DROSHA: variants seen among roughly 807,000 people sequenced by gnomAD.
DROSHA encodes ribonuclease 3.
In DROSHA, 56 loss-of-function variants were observed where a neutral mutation model predicts 181.9. The observed-to-expected ratio is 0.31, with a 90% CI of 0.25 to 0.38. The LOEUF is 0.38. Among genes scored for constraint, DROSHA ranks in the 10% least tolerant of loss-of-function variants. The pLI is 1.00. For synonymous variants in DROSHA, 524 were observed against 591.2 expected (o/e 0.89, Z 1.65); for missense variants, 1,218 against 1,743.5 (o/e 0.70, Z 5.37).
At chr5:31,442,488 C>T (rs1447192067) in intron 23 of DROSHA, among the ~76,000 whole-genome samples, 1 of 152,048 alleles carries the variant, frequency 6.6e-6, no homozygotes, top group Non-Finnish European at 1.5e-5. Flanking sequence ...GCAGTAAACA[C>T]TCCATTTGTT....
At chr5:31,487,879 G>T (rs56981913) in intron 13 of DROSHA, among the ~76,000 whole-genome samples, 3 of 152,038 alleles carry the variant, frequency 2.0e-5, no homozygotes, top group Admixed American at 2.0e-4. Context: ...AATTTTGCAT[G>T]ATTCAATGTA....
intron 35 of DROSHA, 150 bp downstream of exon 35, chr5:31,405,527 C>A: frequency 1.4e-6 from 1 of 740,334 alleles, no homozygotes; most frequent in Non-Finnish European, 2.2e-6. Context: ...GAATGTCTCA[C>A]ATTCTACTAT....
intron 17 of DROSHA, among the ~76,000 whole-genome samples, chr5:31,469,534 C>T (rs1039963586): frequency 2.0e-5 from 3 of 152,108 alleles, no homozygotes; most frequent in Non-Finnish European, 2.9e-5. Context: ...ACAGTAGCAA[C>T]GTGCTATTTA....
intron 11 of DROSHA, among the ~76,000 whole-genome samples, chr5:31,498,933 T>A (rs1753299163): frequency 6.6e-6 from 1 of 151,674 alleles, no homozygotes; most frequent in South Asian, 2.1e-4. Flanking sequence ...TGTGATGGCA[T>A]CATTGGGTGC....
rs1739116523 is a variant in DROSHA at position 31,514,962 on chromosome 5, C to T, written c.1290+26G>A. The stretch of plus-strand genomic sequence containing the variant: ...GACAACGCCGAGAAGCCCTAGTCTA[C>T]AGCTTGTCTGCTACTTCAGACCTAC... On this transcript the variant is annotated intron_variant, in intron 8 of 35. Coordinates refer to ENST00000344624, the MANE Select transcript of DROSHA (RefSeq NM_001382508.1). This position sits in a 1 kb window ranked among gnomAD's most constrained non-coding sequence, Gnocchi z 4.4. 2.5e-6 allele frequency: 4 copies of T among 1,606,716 alleles called. No individual in the cohort carries two copies. Among genetic ancestry groups the T allele is most frequent in the African/African-American group, 2.7e-5 (2 of 74,702 alleles).
chr5:31,405,292 C>A (rs1173686887), intron 35 of DROSHA, among the ~76,000 whole-genome samples: 1 of 151,466 alleles, frequency 6.6e-6, no homozygotes, highest in Non-Finnish European at 1.5e-5. Flanking sequence ...CACCTGACAC[C>A]TGGACCGGGG....
At chr5:31,446,297 A>G (rs932279815) in intron 23 of DROSHA, among the ~76,000 whole-genome samples, 18 of 151,568 alleles carry the variant, frequency 1.2e-4, no homozygotes, top group Non-Finnish European at 2.5e-4. Flanking sequence ...ATACAAAAAA[A>G]TTAGCCGGGT....
In DROSHA at chr5:31,409,480, C is replaced by T. The variant is rs1201570925; in HGVS notation, c.3668-148G>A. Reference sequence around the variant, plus strand: ...TTCAGTGCTACCATTTCATCTTCCCCCACTTTTTATCATTAATATCAGAAG... The same window carrying T: ...TTCAGTGCTACCATTTCATCTTCCCTCACTTTTTATCATTAATATCAGAAG... On this transcript the variant is annotated intron_variant, in intron 31 of 35. Coordinates refer to ENST00000344624, the MANE Select transcript of DROSHA (RefSeq NM_001382508.1). This position sits in a 1 kb window ranked among gnomAD's most constrained non-coding sequence, Gnocchi z 4.0. 1.5e-6 allele frequency: 1 copy of T among 665,876 alleles called. No individual in the cohort carries two copies. Among genetic ancestry groups the T allele is most frequent in the Non-Finnish European group, 2.6e-6 (1 of 389,044 alleles). 41.2% of individuals were successfully genotyped at this position (665,876 alleles called of 1,614,324 possible). A position where few individuals can be genotyped will look rare whatever the true frequency, so the allele number is the denominator to read the frequency against.
intron 14 of DROSHA, among the ~76,000 whole-genome samples, chr5:31,485,188 C>T (rs1446390313): frequency 2.0e-5 from 3 of 152,066 alleles, no homozygotes; most frequent in African/African-American, 7.2e-5. Flanking sequence ...TCTCAGTATA[C>T]AAATAAAATA....
intron 11 of DROSHA, among the ~76,000 whole-genome samples, chr5:31,497,980 T>C (rs1753181191): frequency 6.6e-6 from 1 of 152,224 alleles, no homozygotes; most frequent in Non-Finnish European, 1.5e-5. Context: ...CATTCTCAAG[T>C]TTGGAGGATC....
At chr5:31,476,991 T>G (rs1750445228) in intron 16 of DROSHA, among the ~76,000 whole-genome samples, 1 of 152,216 alleles carries the variant, frequency 6.6e-6, no homozygotes, top group African/African-American at 2.4e-5. Flanking sequence ...GGAAGTAATT[T>G]TTATCTTGTT....
At chr5:31,506,476 G>A (rs752294070) in intron 10 of DROSHA, among the ~76,000 whole-genome samples, 1 of 151,136 alleles carries the variant, frequency 6.6e-6, no homozygotes, top group Non-Finnish European at 1.5e-5. Context: ...TCAGGAGTTC[G>A]AGAACAGCCT....
intron 20 of DROSHA, among the ~76,000 whole-genome samples, chr5:31,452,563 G>A (rs1474778595): frequency 6.6e-6 from 1 of 152,128 alleles, no homozygotes; most frequent in East Asian, 1.9e-4. Context: ...AGAACCTGGA[G>A]GATGGACCCA....
intron 11 of DROSHA, among the ~76,000 whole-genome samples, chr5:31,501,956 C>T (rs1371658707): frequency 2.0e-5 from 3 of 152,158 alleles, no homozygotes; most frequent in African/African-American, 7.2e-5. Context: ...GTGAGATAAA[C>T]CCTACAAAGA....
intron 23 of DROSHA, among the ~76,000 whole-genome samples, chr5:31,442,559 C>T (rs1745719844): frequency 6.6e-6 from 1 of 152,178 alleles, no homozygotes; most frequent in African/African-American, 2.4e-5. Context: ...ATTTATACAG[C>T]ACATTTTGTC....
At chr5:31,459,276 T>C (rs1190813958) in intron 20 of DROSHA, among the ~76,000 whole-genome samples, 2 of 152,092 alleles carry the variant, frequency 1.3e-5, no homozygotes, top group African/African-American at 4.8e-5. Context: ...GCACCTGTAG[T>C]TCCAGCTATA....
At position 31,511,089 on chromosome 5, in the gene DROSHA, T is replaced by C. The variant is rs768940298; in HGVS notation, c.1378A>G (p.Lys460Glu). ...GGTTCCCACGGAGGCCGAGCAGCTT[T>C]GGCCTTTTCTTGCCTGCTCCCCAAC... is the stretch of plus-strand genomic sequence containing the variant. ...EELGSRQEKA[K>E]AARPPWEPPK... The change falls in exon 9 of 36, where the codon AAA becomes GAA. Residue 460 changes from lysine (K) to glutamate (E), a missense_variant. Physicochemically the swap from Lys to Glu is moderately conservative, Grantham distance 56. Coordinates refer to ENST00000344624, the MANE Select transcript of DROSHA (RefSeq NM_001382508.1). The C allele has an allele frequency of 6.2e-7, 1 of 1,613,946 alleles. No individual in the cohort carries two copies. The highest frequency in any genetic ancestry group is 1.1e-5 in the South Asian group (1 of 91,084).
chr5:31,419,660 A>C (rs1032450917), intron 30 of DROSHA, among the ~76,000 whole-genome samples: 1 of 152,154 alleles, frequency 6.6e-6, no homozygotes, highest in Admixed American at 6.5e-5. Context: ...TTCACAATTA[A>C]TTTTGTAGGA....
intron 35 of DROSHA, among the ~76,000 whole-genome samples, chr5:31,402,661 T>C (rs1041226764): frequency 2.6e-5 from 4 of 152,180 alleles, no homozygotes; most frequent in African/African-American, 9.7e-5. Flanking sequence ...TAAATTCTTT[T>C]TTCCCTCTTA....
Sources: allele counts gnomAD v4.1 joint callset (sites outside exome capture counted in the v4.1 genomes callset), GRCh38; gene constraint gnomAD v4.1.1; non-coding constraint Gnocchi (gnomAD v3.1); transcripts MANE v1.5; gene names NCBI Gene and HGNC (gene_info 2026-07-23, HGNC 2026-07-21).